The following RUNDC3B variants were observed in gnomAD, a reference collection of about 807,000 sequenced individuals.
RUNDC3B encodes RUN domain containing 3B.
Under a neutral mutation model 58.4 loss-of-function variants are expected in RUNDC3B, and 33 were observed. The ratio of observed to expected loss-of-function variants is 0.56; its 90% CI spans 0.43 to 0.75. The LOEUF is 0.75. RUNDC3B is among the 30% of genes least tolerant of loss of function. RUNDC3B has a pLI of 0.00. For synonymous variants in RUNDC3B, 193 were observed against 195.2 expected, an observed-to-expected ratio of 0.99 and a Z score of 0.10; for missense variants, 501 against 535.7, an observed-to-expected ratio of 0.94 and a Z score of 0.64.
chr7:87,823,136 C>G (rs1189373891), intron 10 of RUNDC3B, among the ~76,000 whole-genome samples: 3 of 152,056 alleles, frequency 2.0e-5, no homozygotes, highest in Non-Finnish European at 4.4e-5. Context: ...ATTTGTTTAA[C>G]TAAAGGTAAA....
intron 8 of RUNDC3B, among the ~76,000 whole-genome samples, chr7:87,794,786 G>T (rs886532067): frequency 6.6e-6 from 1 of 152,134 alleles, no homozygotes; most frequent in Admixed American, 6.5e-5. Context: ...TTAAAAAAGT[G>T]TAGACCAGTG....
At chr7:87,646,799 T>G in intron 1 of RUNDC3B, among the ~76,000 whole-genome samples, 1 of 152,198 alleles carries the variant, frequency 6.6e-6, no homozygotes, top group East Asian at 1.9e-4. Context: ...AATAAAAGTT[T>G]TCAAGTCCCT....
chr7:87,668,149 T>C (rs1825458793), intron 2 of RUNDC3B, among the ~76,000 whole-genome samples: 1 of 151,886 alleles, frequency 6.6e-6, no homozygotes, highest in Non-Finnish European at 1.5e-5. Context: ...TATTTATTAC[T>C]GATTTGATTT....
chr7:87,802,434 T>C (rs1299365033), intron 8 of RUNDC3B, among the ~76,000 whole-genome samples: 1 of 151,842 alleles, frequency 6.6e-6, no homozygotes, highest in Non-Finnish European at 1.5e-5. Flanking sequence ...ATATGAGTCT[T>C]ATGAGGGAGG....
chr7:87,743,110 T>C (rs915785437), intron 6 of RUNDC3B, among the ~76,000 whole-genome samples: 19 of 145,216 alleles, frequency 1.3e-4, no homozygotes, highest in African/African-American at 5.0e-4. Flanking sequence ...CGAGATTCCG[T>C]CTCAAAAAAA....
chr7:87,738,449 A>G (rs768003850), intron 4 of RUNDC3B, among the ~76,000 whole-genome samples: 1 of 152,010 alleles, frequency 6.6e-6, no homozygotes, highest in Non-Finnish European at 1.5e-5. Flanking sequence ...AATAAAAAAC[A>G]TTTATTCCAA....
intron 1 of RUNDC3B, among the ~76,000 whole-genome samples, chr7:87,645,222 A>G (rs1822877034): frequency 6.6e-6 from 1 of 151,734 alleles, no homozygotes; most frequent in South Asian, 2.1e-4. Context: ...AGCTGGGATT[A>G]CAGGCATGTG....
rs539851532 is a variant in RUNDC3B at position 87,628,697 on chromosome 7, C to T, written c.-127C>T. On this transcript the variant is annotated 5_prime_UTR_variant, in exon 1 of 11. Coordinates refer to ENST00000394654, the MANE Select transcript of RUNDC3B (RefSeq NM_001134405.2). ...CTGCTGTCTTCCACACCCTTCCTCCCTCCAGGCTCCTTTCCTACATCCTTC... is the reference window on the plus strand; with the variant it reads ...CTGCTGTCTTCCACACCCTTCCTCCTTCCAGGCTCCTTTCCTACATCCTTC... The T allele has an allele frequency of 3.6e-6, 2 of 560,684 alleles. No homozygotes were observed. Among genetic ancestry groups the T allele is most frequent in the East Asian group, 3.5e-5 (1 of 28,606 alleles). 34.7% of individuals were successfully genotyped at this position (560,684 alleles called of 1,614,324 possible).
At chr7:87,645,145 C>T (rs1012968519) in intron 1 of RUNDC3B, among the ~76,000 whole-genome samples, 45 of 150,310 alleles carry the variant, frequency 3.0e-4, no homozygotes, top group Middle Eastern at 3.5e-3. Context: ...TGCAGTGGCA[C>T]GATCTCGGAT....
intron 1 of RUNDC3B, among the ~76,000 whole-genome samples, chr7:87,640,641 G>A (rs1430102541): frequency 6.6e-6 from 1 of 152,134 alleles, no homozygotes; most frequent in African/African-American, 2.4e-5. Flanking sequence ...CACCACGTGT[G>A]TCTCCATTAT....
rs1353908159 is a variant in RUNDC3B at position 87,653,654 on chromosome 7, T to C, written c.238+2717T>C. Among the ~76,000 whole-genome samples the C allele has an allele frequency of 2.6e-5, 4 of 152,248 alleles. 1 individual carries two copies. The highest frequency in any genetic ancestry group is 2.6e-4 in the Admixed American group (4 of 15,270). On this transcript the variant is annotated intron_variant, in intron 2 of 10. Transcript: ENST00000394654. The stretch of plus-strand genomic sequence containing the variant: ...TATTGTGCTTTGGTCTTTTTTCTGC[T>C]ACTTTTTTTTCAAATGCGAGCCTAA...
intron 4 of RUNDC3B, among the ~76,000 whole-genome samples, chr7:87,714,929 C>T (rs189359987): frequency 7.2e-4 from 110 of 152,028 alleles, no homozygotes; most frequent in Admixed American, 3.2e-3. Flanking sequence ...GCACGTCACG[C>T]GCTGTTGGCT....
At chr7:87,716,899 C>T (rs554040779) in intron 4 of RUNDC3B, among the ~76,000 whole-genome samples, 20 of 152,324 alleles carry the variant, frequency 1.3e-4, no homozygotes, top group Non-Finnish European at 2.1e-4. Flanking sequence ...TGCAGTGGCA[C>T]AGTCATGGCT....
chr7:87,779,167 G>A (rs74724811), intron 8 of RUNDC3B, among the ~76,000 whole-genome samples: 2,331 of 152,150 alleles, frequency 0.015, 59 homozygotes, highest in African/African-American at 0.053. Flanking sequence ...AAATTGATAC[G>A]ATACTTTCAC....
chr7:87,764,813 A>C (rs911389299), intron 6 of RUNDC3B, among the ~76,000 whole-genome samples: 2 of 151,928 alleles, frequency 1.3e-5, no homozygotes, highest in African/African-American at 4.8e-5. Flanking sequence ...ATGAATACTT[A>C]GGTTGATTTG....
chr7:87,654,405 T>C (rs1370981021), intron 2 of RUNDC3B, among the ~76,000 whole-genome samples: 1 of 152,006 alleles, frequency 6.6e-6, no homozygotes, highest in Non-Finnish European at 1.5e-5. Flanking sequence ...TAGAATAGAA[T>C]AGAGAACCCA....
chr7:87,637,820 AT>A (rs918346236), intron 1 of RUNDC3B, among the ~76,000 whole-genome samples: 128 of 151,176 alleles, frequency 8.5e-4, no homozygotes, highest in African/African-American at 2.9e-3. Context: ...TGCAGTTAAA[AT>A]TTTTTTTTCT....
At chr7:87,715,548 A>G (rs1830512521) in intron 4 of RUNDC3B, among the ~76,000 whole-genome samples, 1 of 139,296 alleles carries the variant, frequency 7.2e-6, no homozygotes, top group African/African-American at 2.6e-5. Context: ...ATAATATATT[A>G]ATATAATATA....
chr7:87,701,567 A>G (rs892567977), intron 3 of RUNDC3B, among the ~76,000 whole-genome samples: 5 of 152,250 alleles, frequency 3.3e-5, no homozygotes, highest in African/African-American at 1.2e-4. Flanking sequence ...AGATCAATTC[A>G]AAGTGCAAGG....
Sources: gnomAD v4.1 joint callset for allele counts (sites outside exome capture counted in the v4.1 genomes callset) on GRCh38, gnomAD v4.1.1 for gene constraint, MANE v1.5 for transcripts, NCBI Gene and HGNC (gene_info 2026-07-23, HGNC 2026-07-21) for gene names.